CDK13: variants seen among roughly 807,000 people sequenced by gnomAD.
CDK13 encodes the protein cyclin-dependent kinase 13.
CDK13 carries 40 observed loss-of-function variants against 137.6 expected under a neutral mutation model. The ratio of observed to expected loss-of-function variants is 0.29; its 90% CI spans 0.23 to 0.38. The LOEUF (loss-of-function observed/expected upper bound fraction) is 0.38. Among genes scored for constraint, CDK13 ranks in the 10% least tolerant of loss-of-function variants. The pLI is 1.00. For synonymous variants in CDK13, 869 were observed against 760.1 expected, an observed-to-expected ratio of 1.14 and a Z score of -2.36; for missense variants, 1,704 against 1,951.8, an observed-to-expected ratio of 0.87 and a Z score of 2.39.
chr7:40,074,667 G>C (rs1786502759), intron 9 of CDK13, among the ~76,000 whole-genome samples: 1 of 151,468 alleles, frequency 6.6e-6, no homozygotes, highest in Admixed American at 6.6e-5. Context: ...GGCCAGCTTG[G>C]GTCTCAAATT....
At chr7:39,988,451 C>T (rs1430951986) in intron 2 of CDK13, among the ~76,000 whole-genome samples, 193 bp downstream of exon 2, 2 of 151,848 alleles carry the variant, frequency 1.3e-5, no homozygotes, top group Non-Finnish European at 2.9e-5. Context: ...AAAGTTTATA[C>T]TAAGACATTC....
chr7:40,088,262 A>T lies in CDK13; in HGVS notation c.3166A>T (p.Thr1056Ser), dbSNP rs1786836189. Reference protein sequence around the residue: ...DLSLGLDDSRTNTPQGVLPSS... With the variant: ...DLSLGLDDSRSNTPQGVLPSS... Reference sequence around the variant, plus strand: ...GTCTCTGGGCTTGGATGACAGCAGAACCAACACACCCCAGGGTGTGCTGCC... The same window carrying T: ...GTCTCTGGGCTTGGATGACAGCAGATCCAACACACCCCAGGGTGTGCTGCC... The change falls in exon 12 of 14, where the codon ACC becomes TCC. Residue 1056 changes from threonine to serine, a missense_variant. Physicochemically the swap from Thr to Ser is moderately conservative, Grantham distance 58. This residue lies in a region of CDK13 where 475 missense variants were observed against 579.3 expected (regional missense o/e 0.82). Coordinates refer to ENST00000181839, the MANE Select transcript of CDK13 (RefSeq NM_003718.5). The T allele has an allele frequency of 3.7e-6, 6 of 1,614,128 alleles. No homozygotes were observed. The African/African-American group carries it at 6.7e-5, about 18-fold the overall frequency.
intron 9 of CDK13, among the ~76,000 whole-genome samples, chr7:40,074,210 A>G (rs939727523): frequency 6.6e-6 from 1 of 151,492 alleles, no homozygotes; most frequent in Non-Finnish European, 1.5e-5. Flanking sequence ...AAGCTTTTCT[A>G]ATTAATTGCT....
At chr7:40,070,592 A>C (rs201559849) in intron 9 of CDK13, 6 of 150,932 alleles carry the variant, frequency 4.0e-5, no homozygotes, top group African/African-American at 1.2e-4. Flanking sequence ...AGCACCTGTA[A>C]TCCCAGCCGC....
At chr7:40,016,559 TGTTAAA>T (rs1785009124) in intron 5 of CDK13, among the ~76,000 whole-genome samples, 2 of 152,286 alleles carry the variant, frequency 1.3e-5, no homozygotes, top group African/African-American at 4.8e-5. Flanking sequence ...GAAAGTCAGA[TGTTAAA>T]GTTTGGGAGT....
rs1225277605 is a variant in CDK13, at chr7:39,950,895, C to T, written c.254C>T (p.Pro85Leu). The change falls in exon 1 of 14, where the codon CCC becomes CTC. Residue 85 changes from proline (P) to leucine (L), a missense_variant. Coordinates refer to ENST00000181839, the MANE Select transcript of CDK13 (RefSeq NM_003718.5). ...AASSSCFSPGPPLEVKRLARG... is the reference protein window; with the variant it reads ...AASSSCFSPGLPLEVKRLARG... ...TCCTCCTCTTGCTTCAGCCCGGGCCCCCCTCTGGAGGTCAAGCGGCTGGCG... is the reference window on the plus strand; with the variant it reads ...TCCTCCTCTTGCTTCAGCCCGGGCCTCCCTCTGGAGGTCAAGCGGCTGGCG... The T allele has an allele frequency of 1.5e-6, 2 of 1,345,706 alleles. No individual in the cohort carries two copies. The highest frequency in any genetic ancestry group is 1.9e-6 in the Non-Finnish European group (2 of 1,058,200). 83.4% of individuals were successfully genotyped at this position (1,345,706 alleles called of 1,614,324 possible).
At chr7:39,973,800 G>A (rs1029959191) in intron 1 of CDK13, among the ~76,000 whole-genome samples, 1 of 152,150 alleles carries the variant, frequency 6.6e-6, no homozygotes, top group African/African-American at 2.4e-5. Flanking sequence ...TCTTTTGTGT[G>A]TGGATATACA....
chr7:40,030,942 C>G (rs1364151527), intron 5 of CDK13, among the ~76,000 whole-genome samples: 2 of 152,124 alleles, frequency 1.3e-5, no homozygotes, highest in Non-Finnish European at 2.9e-5. Flanking sequence ...TGGGTACTTC[C>G]AAGTCTTGAC....
intron 1 of CDK13, among the ~76,000 whole-genome samples, chr7:39,979,840 C>A (rs1317694695): frequency 6.6e-6 from 1 of 151,974 alleles, no homozygotes; most frequent in Non-Finnish European, 1.5e-5. Flanking sequence ...AGAGAACTCA[C>A]GTGATGACAG....
Position 40,001,981 on chromosome 7 carries a change from A to T in CDK13, c.2303A>T (p.Lys768Met). The change falls in exon 5 of 14, where the codon AAG (lysine) becomes ATG (methionine). Residue 768 changes from lysine to methionine, a missense_variant. Coordinates refer to ENST00000181839, the MANE Select transcript of CDK13 (RefSeq NM_003718.5). ...ACCCATCAGAGTATTATCAATATGAAGGAAATAGTGACTGATAAAGAAGAT... is the reference window on the plus strand; with the variant it reads ...ACCCATCAGAGTATTATCAATATGATGGAAATAGTGACTGATAAAGAAGAT... ...QLTHQSIINM[K>M]EIVTDKEDAL... 1 of 1,611,294 alleles carries T rather than the reference A, an allele frequency of 6.2e-7. No individual in the cohort carries two copies. The highest frequency in any genetic ancestry group is 1.3e-5 in the African/African-American group (1 of 74,990).
intron 5 of CDK13, among the ~76,000 whole-genome samples, chr7:40,023,851 T>C (rs571288862): frequency 1.3e-4 from 20 of 152,308 alleles, no homozygotes; most frequent in Admixed American, 7.8e-4. Flanking sequence ...GTTATTTTCT[T>C]CTCAGATTTA....
At chr7:39,989,468 C>T (rs1478019913) in intron 2 of CDK13, among the ~76,000 whole-genome samples, 1 of 151,754 alleles carries the variant, frequency 6.6e-6, no homozygotes, top group African/African-American at 2.4e-5. Flanking sequence ...CTTACTTTGG[C>T]ATTATGAAAA....
intron 9 of CDK13, among the ~76,000 whole-genome samples, chr7:40,077,569 C>G (rs1300150099): frequency 6.6e-6 from 1 of 151,980 alleles, no homozygotes; most frequent in African/African-American, 2.4e-5. Flanking sequence ...AAATATTTAA[C>G]GAGGGCCGGG....
intron 5 of CDK13, among the ~76,000 whole-genome samples, chr7:40,029,965 T>C (rs1007784456): frequency 6.6e-6 from 1 of 152,180 alleles, no homozygotes; most frequent in Non-Finnish European, 1.5e-5. Flanking sequence ...ATTAGATTCT[T>C]ACTGTCTGAA....
chr7:39,992,120 A>C (rs1400454307), intron 2 of CDK13, among the ~76,000 whole-genome samples: 2 of 135,626 alleles, frequency 1.5e-5, no homozygotes, highest in Non-Finnish European at 3.2e-5. Context: ...CACACACACA[A>C]GCACACACGC....
intron 2 of CDK13, among the ~76,000 whole-genome samples, chr7:39,995,978 C>A (rs1277609121): frequency 6.6e-6 from 1 of 152,212 alleles, no homozygotes; most frequent in Non-Finnish European, 1.5e-5. Context: ...CCACTGCACT[C>A]CAGCCTGGGT....
intron 5 of CDK13, among the ~76,000 whole-genome samples, chr7:40,042,056 C>T (rs1006528767): frequency 2.0e-5 from 3 of 151,990 alleles, no homozygotes; most frequent in Non-Finnish European, 4.4e-5. Flanking sequence ...TTCTTATTTT[C>T]TGTTGTGGGA....
At position 39,950,284 on chromosome 7, in the gene CDK13, A is replaced by C. The variant is rs1013062321; in HGVS notation, c.-358A>C. The stretch of plus-strand genomic sequence containing the variant: ...TCCGCGTTGCGCTGCCCGAGCCGAG[A>C]GCGCGGCCAAGGCCGCTCCCCCACC... On this transcript the variant is annotated 5_prime_UTR_variant, in exon 1 of 14. Transcript: ENST00000181839. 1 of 1,068,270 alleles carries C rather than the reference A, an allele frequency of 9.4e-7. No individual in the cohort carries two copies. Among genetic ancestry groups the C allele is most frequent in the Non-Finnish European group, 1.1e-6 (1 of 883,810 alleles). 66.2% of individuals were successfully genotyped at this position (1,068,270 alleles called of 1,614,324 possible). A position where few individuals can be genotyped will look rare whatever the true frequency, so the allele number is the denominator to read the frequency against.
In CDK13 at chr7:40,047,093, A is replaced by G. The variant is rs574324620; in HGVS notation, c.2544-728A>G. Among the ~76,000 whole-genome samples, 20 of 151,394 alleles carry G rather than the reference A, an allele frequency of 1.3e-4. No individual in the cohort carries two copies. In the East Asian group the frequency reaches 1.7e-3, roughly 13 times the overall value. On this transcript the variant is annotated intron_variant, in intron 6 of 13. Transcript: ENST00000181839. The stretch of plus-strand genomic sequence containing the variant: ...TACTTAGTTGACTTTTCTGTTTGCT[A>G]TTATTCCAAGTAATGTGAATGGATC...
Sources: allele counts gnomAD v4.1 joint callset (sites outside exome capture counted in the v4.1 genomes callset), GRCh38; gene constraint gnomAD v4.1.1; regional missense constraint gnomAD v4.1.1; transcripts MANE v1.5; gene names NCBI Gene and HGNC (gene_info 2026-07-23, HGNC 2026-07-21).